The following ZNRF4 variants were observed in gnomAD, a reference collection of about 807,000 sequenced individuals.
ZNRF4 encodes the protein zinc and ring finger 4, also known as E3 ubiquitin-protein ligase ZNRF4.
For missense variants in ZNRF4, 569 were observed against 609.4 expected (o/e 0.93, Z 0.70); for synonymous variants, 291 against 285.9 (o/e 1.02, Z -0.18).
chr19:5,455,943 G>A lies in ZNRF4; in HGVS notation c.452G>A (p.Gly151Asp), dbSNP rs759515749. Residue 151 changes from glycine (G) to aspartate (D), a missense_variant, in exon 1 of 1, where the codon GGC becomes GAC. Physicochemically the swap from Gly to Asp is moderately conservative, Grantham distance 94. Transcript: ENST00000222033. ...ACHPIEAPRL[G>D]NRSLGAIVLI... ...CATCCCATCGAGGCCCCGCGACTGG[G>A]CAACCGCTCTCTGGGCGCCATCGTG... 1.9e-6 allele frequency: 3 copies of A among 1,600,818 alleles called. No homozygotes were observed. The highest frequency in any genetic ancestry group is 2.2e-5 in the South Asian group (2 of 91,042).
Position 5,456,154 on chromosome 19 carries a change from C to A in ZNRF4, c.663C>A (p.Asp221Glu). ...SVFVSEAASQDLRVILGCNKS... is the reference protein window; with the variant it reads ...SVFVSEAASQELRVILGCNKS... ...TCGTGAGCGAGGCCGCCTCGCAGGA[C>A]CTGCGGGTCATCCTGGGCTGCAACA... is the stretch of plus-strand genomic sequence containing the variant. Residue 221 changes from aspartate (D) to glutamate (E), a missense_variant, in exon 1 of 1, where the codon GAC (aspartate) becomes GAA (glutamate). Coordinates refer to ENST00000222033, the MANE Select transcript of ZNRF4 (RefSeq NM_181710.4). The A allele has an allele frequency of 6.2e-7, 1 of 1,607,444 alleles. No homozygotes were observed. Among genetic ancestry groups the A allele is most frequent in the Non-Finnish European group, 8.5e-7 (1 of 1,179,826 alleles).
At position 5,456,439 on chromosome 19, in the gene ZNRF4, T is replaced by C. The variant is rs8111108; in HGVS notation, c.948T>C (p.Tyr316=). The change falls in exon 1 of 1, where the codon TAT becomes TAC. Residue 316 remains tyrosine (Y), a synonymous_variant. Coordinates refer to ENST00000222033, the MANE Select transcript of ZNRF4 (RefSeq NM_181710.4). ...NDLCAICLDE[Y]EEGDQLKILP... is the part of the protein sequence containing the mutation. ...TGTGTGCCATCTGCCTGGATGAGTA[T>C]GAGGAGGGCGACCAACTCAAGATCC... The C allele has an allele frequency of 0.58, 939,134 of 1,613,466 alleles. 277,652 individuals are homozygous for C. The highest frequency in any genetic ancestry group is 0.86 in the East Asian group (38,802 of 44,858).
chr19:5,456,527 C>T lies in ZNRF4; in HGVS notation c.1036C>T (p.Arg346Cys), dbSNP rs1170054852. 3.5e-5 allele frequency: 56 copies of T among 1,613,992 alleles called. No individual in the cohort carries two copies. The highest frequency in any genetic ancestry group is 4.6e-5 in the Non-Finnish European group (54 of 1,180,054). ...IDPWFSQAPR[R>C]SCPVCKQSVA... ...CCCCTGGTTCTCCCAAGCCCCCCGG[C>T]GCTCCTGCCCCGTGTGCAAACAGTC... The change falls in exon 1 of 1, where the codon CGC (arginine) becomes TGC (cysteine). Residue 346 changes from arginine (R) to cysteine (C), a missense_variant. Transcript: ENST00000222033.
At position 5,456,065 on chromosome 19, in the gene ZNRF4, G is replaced by C. The variant is rs16992985; in HGVS notation, c.574G>C (p.Asp192His). ...AAIVHNVHSD[D>H]LVSMTHVYED... ...CATCGTGCACAACGTCCACTCCGAC[G>C]ACCTCGTGAGCATGACCCACGTCTA... Residue 192 changes from aspartate to histidine, a missense_variant, in exon 1 of 1, where the codon GAC (aspartate) becomes CAC (histidine). By Grantham distance (81) the Asp-to-His change is moderately conservative. Coordinates refer to ENST00000222033, the MANE Select transcript of ZNRF4 (RefSeq NM_181710.4). 2 of 1,604,486 alleles carry C rather than the reference G, an allele frequency of 1.2e-6. No individual in the cohort carries two copies. Among genetic ancestry groups the C allele is most frequent in the Non-Finnish European group, 8.5e-7 (1 of 1,179,888 alleles).
rs777689083 is a variant in ZNRF4 at position 5,456,062 on chromosome 19, G to C, written c.571G>C (p.Asp191His). The C allele has an allele frequency of 1.9e-6, 3 of 1,604,212 alleles. No individual in the cohort carries two copies. The Admixed American group carries it at 5.0e-5, about 27-fold the overall frequency. Reference protein sequence around the residue: ...EAAIVHNVHSDDLVSMTHVYE... With the variant: ...EAAIVHNVHSHDLVSMTHVYE... ...GGCCATCGTGCACAACGTCCACTCC[G>C]ACGACCTCGTGAGCATGACCCACGT... Residue 191 changes from aspartate to histidine, a missense_variant, in exon 1 of 1, where the codon GAC becomes CAC. By Grantham distance (81) the Asp-to-His change is moderately conservative. Transcript: ENST00000222033.
chr19:5,456,182 T>A lies in ZNRF4; in HGVS notation c.691T>A (p.Ser231Thr), dbSNP rs1380200843. 1.2e-6 allele frequency: 2 copies of A among 1,608,166 alleles called. No homozygotes were observed. Among genetic ancestry groups the A allele is most frequent in the African/African-American group, 1.3e-5 (1 of 74,884 alleles). The change falls in exon 1 of 1, where the codon TCG (serine) becomes ACG (threonine). Residue 231 changes from serine (S) to threonine (T), a missense_variant. Coordinates refer to ENST00000222033, the MANE Select transcript of ZNRF4 (RefSeq NM_181710.4). Reference sequence around the variant, plus strand: ...GCGGGTCATCCTGGGCTGCAACAAGTCGGCCCACGCGCTGCTCCTGCCCGA... The same window carrying A: ...GCGGGTCATCCTGGGCTGCAACAAGACGGCCCACGCGCTGCTCCTGCCCGA... ...DLRVILGCNK[S>T]AHALLLPDDP... is the part of the protein sequence containing the mutation.
At position 5,455,976 on chromosome 19, in the gene ZNRF4, G is replaced by A. The variant is rs369680601; in HGVS notation, c.485G>A (p.Arg162His). 5.8e-4 allele frequency: 926 copies of A among 1,600,430 alleles called. 18 individuals are homozygous for A. The South Asian group carries it at 9.3e-3, about 16-fold the overall frequency. ...TCTCTGGGCGCCATCGTGCTGATCC[G>A]CCGCTACGACTGCACCTTCGACCTC... is the stretch of plus-strand genomic sequence containing the variant. ...NRSLGAIVLIRRYDCTFDLKV... is the reference protein window; with the variant it reads ...NRSLGAIVLIHRYDCTFDLKV... The change falls in exon 1 of 1, where the codon CGC becomes CAC. Residue 162 changes from arginine to histidine, a missense_variant. By Grantham distance (29) the Arg-to-His change is conservative. Transcript: ENST00000222033.
rs774463133 is a variant in ZNRF4, at chr19:5,455,942, G to A, written c.451G>A (p.Gly151Ser). 5 of 1,600,710 alleles carry A rather than the reference G, an allele frequency of 3.1e-6. No homozygotes were observed. The African/African-American group carries it at 5.3e-5, about 17-fold the overall frequency. The change falls in exon 1 of 1, where the codon GGC (glycine) becomes AGC (serine). Residue 151 changes from glycine to serine, a missense_variant. Transcript: ENST00000222033. ...ACHPIEAPRLGNRSLGAIVLI... is the reference protein window; with the variant it reads ...ACHPIEAPRLSNRSLGAIVLI... ...CCATCCCATCGAGGCCCCGCGACTGGGCAACCGCTCTCTGGGCGCCATCGT... is the reference window on the plus strand; with the variant it reads ...CCATCCCATCGAGGCCCCGCGACTGAGCAACCGCTCTCTGGGCGCCATCGT...
rs1356466091 is a variant in ZNRF4 at position 5,455,465 on chromosome 19, T to C, written c.-27T>C. 2.6e-6 allele frequency: 4 copies of C among 1,567,874 alleles called. No homozygotes were observed. Among genetic ancestry groups the C allele is most frequent in the East Asian group, 2.3e-5 (1 of 44,400 alleles). On this transcript the variant is annotated 5_prime_UTR_variant, in exon 1 of 1. It removes the in-frame stop codon of an upstream open reading frame in the 5' UTR. Transcript: ENST00000222033. Reference sequence around the variant, plus strand: ...AAAGGCCACCTGCGCCAGCACCTCCTGAGACCGGCCTTCAAAGACACGACG... The same window carrying C: ...AAAGGCCACCTGCGCCAGCACCTCCCGAGACCGGCCTTCAAAGACACGACG...
In ZNRF4 at chr19:5,456,052, C is replaced by T. The variant is rs745670797; in HGVS notation, c.561C>T (p.Asn187=). ...RAGFEAAIVH[N]VHSDDLVSMT... is the part of the protein sequence containing the mutation. Reference sequence around the variant, plus strand: ...GCTTCGAGGCGGCCATCGTGCACAACGTCCACTCCGACGACCTCGTGAGCA... The same window carrying T: ...GCTTCGAGGCGGCCATCGTGCACAATGTCCACTCCGACGACCTCGTGAGCA... Residue 187 remains asparagine (N), a synonymous_variant, in exon 1 of 1, where the codon AAC becomes AAT. Transcript: ENST00000222033. The T allele has an allele frequency of 3.7e-5, 59 of 1,603,332 alleles. No individual in the cohort carries two copies. The highest frequency in any genetic ancestry group is 1.0e-4 in the Admixed American group (6 of 60,012).
Position 5,455,549 on chromosome 19 carries a change from G to A in ZNRF4, c.58G>A (p.Ala20Thr), listed in dbSNP as rs202092718. ...TAGAGCCAGCAGGGTCCCAGTGGCC[G>A]CGTCACTGCCTCTGAGCCACGCGGT... ...MPRASRVPVA[A>T]SLPLSHAVIP... is the part of the protein sequence containing the mutation. The change falls in exon 1 of 1, where the codon GCG (alanine) becomes ACG (threonine). Residue 20 changes from alanine (A) to threonine (T), a missense_variant. Coordinates refer to ENST00000222033, the MANE Select transcript of ZNRF4 (RefSeq NM_181710.4). 42 of 1,612,770 alleles carry A rather than the reference G, an allele frequency of 2.6e-5. No homozygotes were observed. Among genetic ancestry groups the A allele is most frequent in the Non-Finnish European group, 1.6e-5 (19 of 1,179,992 alleles).
chr19:5,455,589 T>G lies in ZNRF4; in HGVS notation c.98T>G (p.Leu33Arg). The G allele has an allele frequency of 6.2e-7, 1 of 1,612,186 alleles. No homozygotes were observed. The highest frequency in any genetic ancestry group is 8.5e-7 in the Non-Finnish European group (1 of 1,179,996). Residue 33 changes from leucine (L) to arginine (R), a missense_variant, in exon 1 of 1, where the codon CTG (leucine) becomes CGG (arginine). Coordinates refer to ENST00000222033, the MANE Select transcript of ZNRF4 (RefSeq NM_181710.4). ...AGCCACGCGGTCATTCCAACTCAAC[T>G]GCCCTCGCGTCCTGGCCACAGGCCC... Reference protein sequence around the residue: ...PLSHAVIPTQLPSRPGHRPPG... With the variant: ...PLSHAVIPTQRPSRPGHRPPG...
In ZNRF4 at chr19:5,455,811, A is replaced by G. The variant is rs2051611748; in HGVS notation, c.320A>G (p.Asn107Ser). ...GTGGTACGGGCCGTGCTGGAAGACA[A>G]CTCGAGCTCGGTGGACTTTGCGGAT... ...QAVVRAVLED[N>S]SSSVDFADLP... The change falls in exon 1 of 1, where the codon AAC becomes AGC. Residue 107 changes from asparagine (N) to serine (S), a missense_variant. Asn to Ser is a conservative substitution (Grantham distance 46). Transcript: ENST00000222033. 6.2e-7 allele frequency: 1 copy of G among 1,603,936 alleles called. No homozygotes were observed. Among genetic ancestry groups the G allele is most frequent in the Non-Finnish European group, 8.5e-7 (1 of 1,179,832 alleles).
chr19:5,456,285 T>G lies in ZNRF4; in HGVS notation c.794T>G (p.Val265Gly). The G allele has an allele frequency of 6.2e-7, 1 of 1,613,706 alleles. No homozygotes were observed. The highest frequency in any genetic ancestry group is 8.5e-7 in the Non-Finnish European group (1 of 1,180,014). Residue 265 changes from valine to glycine, a missense_variant, in exon 1 of 1, where the codon GTC becomes GGC. Transcript: ENST00000222033. The stretch of plus-strand genomic sequence containing the variant: ...GTGCTGGGCTGTACCCTGGCCCTGG[T>G]CGTATCAGCCTTCTTTGTCCTGAAC... ...SWVLGCTLAL[V>G]VSAFFVLNHL...
chr19:5,456,171 G>A lies in ZNRF4; in HGVS notation c.680G>A (p.Gly227Asp). Residue 227 changes from glycine to aspartate, a missense_variant, in exon 1 of 1, where the codon GGC (glycine) becomes GAC (aspartate). Gly to Asp is a moderately conservative substitution (Grantham distance 94). Transcript: ENST00000222033. ...AASQDLRVIL[G>D]CNKSAHALLL... is the part of the protein sequence containing the mutation. ...TCGCAGGACCTGCGGGTCATCCTGG[G>A]CTGCAACAAGTCGGCCCACGCGCTG... The A allele has an allele frequency of 2.5e-6, 4 of 1,607,970 alleles. No individual in the cohort carries two copies. Among genetic ancestry groups the A allele is most frequent in the Non-Finnish European group, 2.5e-6 (3 of 1,179,818 alleles).
chr19:5,455,545 G>C lies in ZNRF4; in HGVS notation c.54G>C (p.Val18=), dbSNP rs1180959419. ...HLMPRASRVP[V]AASLPLSHAV... is the part of the protein sequence containing the mutation. Reference sequence around the variant, plus strand: ...TGCCTAGAGCCAGCAGGGTCCCAGTGGCCGCGTCACTGCCTCTGAGCCACG... The same window carrying C: ...TGCCTAGAGCCAGCAGGGTCCCAGTCGCCGCGTCACTGCCTCTGAGCCACG... The change falls in exon 1 of 1, where the codon GTG becomes GTC. Residue 18 remains valine, a synonymous_variant. Transcript: ENST00000222033. The C allele has an allele frequency of 6.2e-7, 1 of 1,612,820 alleles. No individual in the cohort carries two copies.
chr19:5,455,593 C>G lies in ZNRF4; in HGVS notation c.102C>G (p.Pro34=), dbSNP rs753966010. 55 of 1,612,096 alleles carry G rather than the reference C, an allele frequency of 3.4e-5. No individual in the cohort carries two copies. The Middle Eastern group carries it at 4.9e-4, about 14-fold the overall frequency. The stretch of plus-strand genomic sequence containing the variant: ...ACGCGGTCATTCCAACTCAACTGCC[C>G]TCGCGTCCTGGCCACAGGCCCCCTG... The part of the protein sequence containing the change: ...LSHAVIPTQL[P]SRPGHRPPGR... The change falls in exon 1 of 1, where the codon CCC becomes CCG. Residue 34 remains proline (P), a synonymous_variant. Coordinates refer to ENST00000222033, the MANE Select transcript of ZNRF4 (RefSeq NM_181710.4).
chr19:5,456,623 G>T lies in ZNRF4; in HGVS notation c.1132G>T (p.Gly378Cys). ...CAGGGACGAGGACCCCTCCCTACCG[G>T]GCCACCGGCCCCCCATCTGGGCCAT... ...SFRDEDPSLPGHRPPIWAIQV... is the reference protein window; with the variant it reads ...SFRDEDPSLPCHRPPIWAIQV... Residue 378 changes from glycine to cysteine, a missense_variant, in exon 1 of 1, where the codon GGC (glycine) becomes TGC (cysteine). Physicochemically the swap from Gly to Cys is radical, Grantham distance 159 (BLOSUM62 -3). Coordinates refer to ENST00000222033, the MANE Select transcript of ZNRF4 (RefSeq NM_181710.4). 6.2e-7 allele frequency: 1 copy of T among 1,613,326 alleles called. No individual in the cohort carries two copies. The highest frequency in any genetic ancestry group is 8.5e-7 in the Non-Finnish European group (1 of 1,179,420).
At position 5,455,950 on chromosome 19, in the gene ZNRF4, C is replaced by T; in HGVS notation, c.459C>T (p.Arg153=). 6.2e-7 allele frequency: 1 copy of T among 1,600,830 alleles called. No individual in the cohort carries two copies. The highest frequency in any genetic ancestry group is 1.1e-5 in the South Asian group (1 of 91,052). ...TCGAGGCCCCGCGACTGGGCAACCGCTCTCTGGGCGCCATCGTGCTGATCC... is the reference window on the plus strand; with the variant it reads ...TCGAGGCCCCGCGACTGGGCAACCGTTCTCTGGGCGCCATCGTGCTGATCC... ...HPIEAPRLGN[R]SLGAIVLIRR... is the part of the protein sequence containing the mutation. Residue 153 remains arginine, a synonymous_variant, in exon 1 of 1, where the codon CGC becomes CGT. Transcript: ENST00000222033.
Sources: gnomAD v4.1 joint callset for allele counts on GRCh38, gnomAD v4.1.1 for gene constraint, MANE v1.5 for transcripts, NCBI Gene and HGNC (gene_info 2026-07-23, HGNC 2026-07-21) for gene names.